GLDC: variants seen among roughly 807,000 people sequenced by gnomAD.
The protein encoded by GLDC is glycine dehydrogenase (decarboxylating), mitochondrial.
GLDC carries 104 observed loss-of-function variants against 121.3 expected under a neutral mutation model. The ratio of observed to expected loss-of-function variants is 0.86; its 90% confidence interval spans 0.73 to 1.01. GLDC has a LOEUF of 1.01. GLDC is among the 50% of genes least tolerant of loss of function. GLDC has a pLI of 0.00. For synonymous variants in GLDC, 546 were observed against 480.6 expected (o/e 1.14, Z -1.78); for missense variants, 1,429 against 1,306.6 (o/e 1.09, Z -1.44).
chr9:6,589,364 G>C (rs574317192), intron 11 of GLDC, 72 bp from the exon 12 acceptor site: 126 of 878,294 alleles, frequency 1.4e-4, no homozygotes, highest in Admixed American at 7.6e-4. Flanking sequence ...CAGGCTTCTG[G>C]GTGGCTGGGC....
At chr9:6,611,384 G>C (rs542645791) in intron 3 of GLDC, among the ~76,000 whole-genome samples, 1 of 151,650 alleles carries the variant, frequency 6.6e-6, no homozygotes, top group African/African-American at 2.4e-5. Flanking sequence ...GGTGAAACCC[G>C]TCTCTACTAA....
intron 8 of GLDC, 135 bp downstream of exon 8, chr9:6,601,974 C>T (rs1440219687): frequency 1.5e-6 from 1 of 681,774 alleles, no homozygotes; most frequent in Non-Finnish European, 2.7e-6. Flanking sequence ...CCTTCTACAC[C>T]AATAAGATCT....
intron 19 of GLDC, 39 bp from the exon 20 acceptor site, chr9:6,553,548 G>A (rs765551148): frequency 7.5e-6 from 12 of 1,603,576 alleles, no homozygotes; most frequent in African/African-American, 6.7e-5. Flanking sequence ...AAATGTAAAC[G>A]ATTCAGTTTA....
At chr9:6,555,846 A>G (rs1817615399) in intron 18 of GLDC, among the ~76,000 whole-genome samples, 1 of 152,288 alleles carries the variant, frequency 6.6e-6, no homozygotes, top group South Asian at 2.1e-4. Context: ...AAGAGTCTCA[A>G]AAAGATTGTG....
At chr9:6,641,338 G>C (rs553558010) in intron 2 of GLDC, among the ~76,000 whole-genome samples, 98 of 152,352 alleles carry the variant, frequency 6.4e-4, no homozygotes, top group African/African-American at 2.2e-3. Flanking sequence ...CTGCCAGGAA[G>C]CTGCTGCGTT....
rs183893035 is a variant in GLDC, at chr9:6,575,406, G to A, written c.1851-9977C>T. Reference sequence around the variant, plus strand: ...GGTTTTCACAGGCTGGTGGCCAAACGAGCTGCCTCAGCATCACCTGGGGAT... The same window carrying A: ...GGTTTTCACAGGCTGGTGGCCAAACAAGCTGCCTCAGCATCACCTGGGGAT... On this transcript the variant is annotated intron_variant, in intron 15 of 24. Transcript: ENST00000321612. Among the ~76,000 whole-genome samples the A allele has an allele frequency of 5.9e-5, 9 of 152,246 alleles. No homozygotes were observed. The East Asian group carries it at 1.5e-3, about 26-fold the overall frequency.
At chr9:6,612,924 G>A (rs912321762) in intron 3 of GLDC, among the ~76,000 whole-genome samples, 1 of 152,108 alleles carries the variant, frequency 6.6e-6, no homozygotes, top group Non-Finnish European at 1.5e-5. Flanking sequence ...CCATGATCAC[G>A]CCTCTGCACT....
chr9:6,629,958 T>TATATATATATATATGTATATATATATATA, intron 2 of GLDC, among the ~76,000 whole-genome samples: 10 of 78,658 alleles, frequency 1.3e-4, no homozygotes, highest in South Asian at 8.6e-4. Context: ...TATATATATA[T>TATATATATATATATGTATATATATATATA]TTTTTTTTTT....
At chr9:6,556,979 C>A (rs758771017) in intron 17 of GLDC, among the ~76,000 whole-genome samples, 3 of 152,088 alleles carry the variant, frequency 2.0e-5, no homozygotes, top group Non-Finnish European at 4.4e-5. Flanking sequence ...CTAGGTGCGT[C>A]CATTCTCATA....
intron 21 of GLDC, among the ~76,000 whole-genome samples, chr9:6,543,257 A>G (rs1817309125): frequency 6.6e-6 from 1 of 152,200 alleles, no homozygotes. Context: ...CCTGGGTAAT[A>G]AAGCAAGACC....
intron 15 of GLDC, among the ~76,000 whole-genome samples, chr9:6,568,616 G>C (rs1338038650): frequency 1.3e-5 from 2 of 151,758 alleles, no homozygotes; most frequent in Non-Finnish European, 2.9e-5. Context: ...GGGAGGCCAA[G>C]GTGGGCGGAT....
At chr9:6,546,999 A>G (rs1021086783) in intron 21 of GLDC, among the ~76,000 whole-genome samples, 2 of 152,000 alleles carry the variant, frequency 1.3e-5, no homozygotes, top group Non-Finnish European at 2.9e-5. Flanking sequence ...GATAAGAAGC[A>G]TTATGTAGTG....
At chr9:6,636,787 A>T (rs1819511353) in intron 2 of GLDC, among the ~76,000 whole-genome samples, 1 of 151,910 alleles carries the variant, frequency 6.6e-6, no homozygotes, top group Non-Finnish European at 1.5e-5. Context: ...AAATAAAATT[A>T]AAAAACCCAA....
chr9:6,571,868 G>C (rs1166101586), intron 15 of GLDC, among the ~76,000 whole-genome samples: 1 of 152,132 alleles, frequency 6.6e-6, no homozygotes, highest in Non-Finnish European at 1.5e-5. Context: ...TAGATCAATG[G>C]AATAGAATAT....
In GLDC at chr9:6,629,223, T is replaced by A. The variant is rs930900319; in HGVS notation, c.335-8904A>T. ...GATGATTTTGCTGTTAAATATTCAT[T>A]TTTTTTTTTTTTGAGATGGAGTCTT... On this transcript the variant is annotated intron_variant, in intron 2 of 24. Transcript: ENST00000321612. Among the ~76,000 whole-genome samples the A allele has an allele frequency of 6.1e-4, 27 of 44,188 alleles. No individual in the cohort carries two copies. The African/African-American group carries it at 6.8e-3, about 11-fold the overall frequency. 29.0% of individuals were successfully genotyped at this position (44,188 alleles called of 152,430 possible). A position where few individuals can be genotyped will look rare whatever the true frequency, so the allele number is the denominator to read the frequency against.
chr9:6,583,942 G>A lies in GLDC; in HGVS notation c.1850+3199C>T, dbSNP rs921074089. ...TGAGAAAATCAAAAAGCTCTCAGAC[G>A]GATAATGGTGATGGCTGTACAACAG... On this transcript the variant is annotated intron_variant, in intron 15 of 24. Coordinates refer to ENST00000321612, the MANE Select transcript of GLDC (RefSeq NM_000170.3). 6.6e-5 allele frequency among the ~76,000 whole-genome samples: 10 copies of A among 152,198 alleles called. No homozygotes were observed. In the East Asian group the frequency reaches 1.7e-3, roughly 26 times the overall value.
chr9:6,560,579 C>T (rs1443793139), intron 16 of GLDC, among the ~76,000 whole-genome samples: 1 of 152,066 alleles, frequency 6.6e-6, no homozygotes, highest in Non-Finnish European at 1.5e-5. Flanking sequence ...ACAAAAGGAT[C>T]GTTGGATGAA....
At chr9:6,639,527 G>C (rs1479635129) in intron 2 of GLDC, 3 of 799,336 alleles carry the variant, frequency 3.8e-6, no homozygotes, top group Non-Finnish European at 6.6e-6. Flanking sequence ...CCCTGATTCG[G>C]CCTGATGGAG....
intron 3 of GLDC, 137 bp downstream of exon 3, chr9:6,620,047 A>T: frequency 1.2e-6 from 1 of 822,680 alleles, no homozygotes; most frequent in South Asian, 1.4e-5. Flanking sequence ...GAAACCCGGT[A>T]GGTTCCCGGA....
Sources: allele counts gnomAD v4.1 joint callset (sites outside exome capture counted in the v4.1 genomes callset), GRCh38; gene constraint gnomAD v4.1.1; transcripts MANE v1.5; gene names NCBI Gene and HGNC (gene_info 2026-07-23, HGNC 2026-07-21).